The following KLHL13 variants were observed in gnomAD, a reference collection of about 807,000 sequenced individuals.
KLHL13 encodes kelch like family member 13.
Under a neutral mutation model 37.1 loss-of-function variants are expected in KLHL13, and 10 were observed. The observed-to-expected ratio is 0.27, with a 90% CI of 0.17 to 0.46. The LOEUF is 0.46. Ranked by LOEUF, KLHL13 falls within the 20% of genes least tolerant of loss-of-function variation. The probability of loss-of-function intolerance (pLI) is 1.00; values close to 1 mark genes in which losing one functional copy is unlikely to be tolerated. For synonymous variants in KLHL13, 163 were observed against 181.2 expected (o/e 0.90, Z 0.81); for missense variants, 360 against 509.3 (o/e 0.71, Z 2.82).
chrX:118,108,536 C>A (rs1461507394), intron 1 of KLHL13, among the ~76,000 whole-genome samples: 4 of 112,544 alleles, frequency 3.6e-5, no homozygotes, highest in Non-Finnish European at 7.5e-5. Flanking sequence ...TCAAAACCAT[C>A]TCAAACTGTA....
At chrX:117,903,753 G>A (rs969886203) in intron 5 of KLHL13, among the ~76,000 whole-genome samples, 8 of 110,644 alleles carry the variant, frequency 7.2e-5, no homozygotes, top group Non-Finnish European at 1.3e-4. Flanking sequence ...TATCAGAAAC[G>A]GGGTCTAAAA....
intron 2 of KLHL13, among the ~76,000 whole-genome samples, chrX:117,940,329 G>C (rs1007425873): frequency 9.0e-6 from 1 of 111,686 alleles, no homozygotes; most frequent in Non-Finnish European, 1.9e-5. Flanking sequence ...GTACCATGCT[G>C]TTTTGGTTAC....
intron 1 of KLHL13, among the ~76,000 whole-genome samples, chrX:117,995,238 A>G (rs933811156): frequency 1.8e-5 from 2 of 111,558 alleles, no homozygotes; most frequent in Non-Finnish European, 3.8e-5. Flanking sequence ...ATTACTGCAA[A>G]TAGGAAACTA....
intron 1 of KLHL13, among the ~76,000 whole-genome samples, chrX:117,993,097 T>C (rs2053812873): frequency 8.9e-6 from 1 of 112,307 alleles, no homozygotes. Context: ...CTAAGTGGAC[T>C]AGCACAGAGG....
At chrX:118,001,912 A>G (rs2147968335) in intron 1 of KLHL13, among the ~76,000 whole-genome samples, 1 of 107,242 alleles carries the variant, frequency 9.3e-6, no homozygotes, top group South Asian at 4.1e-4. Flanking sequence ...ATCGTGTTGC[A>G]TATGAATCTT....
intron 1 of KLHL13, among the ~76,000 whole-genome samples, chrX:117,958,329 T>C (rs747120560): frequency 9.0e-6 from 1 of 111,079 alleles, no homozygotes; most frequent in East Asian, 2.8e-4. Flanking sequence ...CAATATACTT[T>C]AATAAAAGTT....
chrX:118,114,215 G>A (rs1372899339), intron 1 of KLHL13, among the ~76,000 whole-genome samples: 1 of 112,368 alleles, frequency 8.9e-6, no homozygotes, highest in East Asian at 2.8e-4. Context: ...TTTCACTACT[G>A]CAAGTCAAAT....
At chrX:118,033,852 C>T (rs1368920764) in intron 1 of KLHL13, among the ~76,000 whole-genome samples, 14 of 107,066 alleles carry the variant, frequency 1.3e-4, no homozygotes, top group Admixed American at 4.0e-4. Context: ...ACCCATCTCA[C>T]GTGCAGAGAC....
chrX:117,983,505 C>A, intron 1 of KLHL13: 1 of 1,147,880 alleles, frequency 8.7e-7, no homozygotes, highest in Non-Finnish European at 1.2e-6. Context: ...TTGAATATAT[C>A]CTTGAAATCG....
At chrX:117,963,569 T>C (rs1447465158) in intron 1 of KLHL13, among the ~76,000 whole-genome samples, 1 of 106,662 alleles carries the variant, frequency 9.4e-6, no homozygotes, top group East Asian at 3.0e-4. Flanking sequence ...TTATAGTCCT[T>C]TGGGTATATA....
chrX:117,982,972 C>T (rs1282526503), intron 1 of KLHL13, among the ~76,000 whole-genome samples: 1 of 112,156 alleles, frequency 8.9e-6, no homozygotes, highest in Non-Finnish European at 1.9e-5. Flanking sequence ...CAGACAGGCA[C>T]AGAGGCAGAC....
chrX:117,938,015 C>T (rs747060880), intron 2 of KLHL13, among the ~76,000 whole-genome samples: 7 of 112,109 alleles, frequency 6.2e-5, no homozygotes, highest in Admixed American at 1.9e-4. Context: ...ACATAAAACA[C>T]GGACTTTGGT....
chrX:117,982,380 C>A (rs1478552084), intron 1 of KLHL13, among the ~76,000 whole-genome samples: 1 of 111,135 alleles, frequency 9.0e-6, no homozygotes, highest in Non-Finnish European at 1.9e-5. Flanking sequence ...TAAAATACGT[C>A]AAAGTCACCA....
At chrX:117,991,846 A>ACTCTCTCTCT (rs56373597) in intron 1 of KLHL13, among the ~76,000 whole-genome samples, 32 of 63,508 alleles carry the variant, frequency 5.0e-4, no homozygotes, top group East Asian at 1.0e-3. Flanking sequence ...CTACAGTGAA[A>ACTCTCTCTCT]CTCTCTCTCT....
At chrX:117,920,459 G>T in intron 2 of KLHL13, 89 bp from the exon 4 acceptor site, 1 of 925,134 alleles carries the variant, frequency 1.1e-6, no homozygotes, top group Non-Finnish European at 1.5e-6. Context: ...TATTAATGTG[G>T]TGCAACATAT....
At chrX:118,081,940 TTGTGTGTGTGTG>T (rs762989393) in intron 1 of KLHL13, among the ~76,000 whole-genome samples, 3 of 97,671 alleles carry the variant, frequency 3.1e-5, no homozygotes, top group Non-Finnish European at 4.2e-5. Context: ...TAGTATTCCA[TTGTGTGTGTGTG>T]TGTGTGTGTG....
At chrX:118,096,168 T>A (rs2055203527) in intron 1 of KLHL13, among the ~76,000 whole-genome samples, 1 of 110,984 alleles carries the variant, frequency 9.0e-6, no homozygotes, top group South Asian at 3.8e-4. Flanking sequence ...TCATCAAAAT[T>A]GATAGACTGC....
At chrX:118,061,247 G>A (rs2054738333) in intron 1 of KLHL13, among the ~76,000 whole-genome samples, 1 of 111,767 alleles carries the variant, frequency 8.9e-6, no homozygotes, top group Non-Finnish European at 1.9e-5. Flanking sequence ...TGCCCCTGAG[G>A]AGCATTTTGG....
chrX:118,021,136 TATA>T (rs1328657439), intron 1 of KLHL13, among the ~76,000 whole-genome samples: 2 of 107,834 alleles, frequency 1.9e-5, no homozygotes, highest in South Asian at 4.5e-4. Flanking sequence ...AAACTTAAAG[TATA>T]ATAATAAAAA....
Sources: gnomAD v4.1 joint callset for allele counts (sites outside exome capture counted in the v4.1 genomes callset) on GRCh38, gnomAD v4.1.1 for gene constraint, MANE v1.5 for transcripts, NCBI Gene and HGNC (gene_info 2026-07-23, HGNC 2026-07-21) for gene names.